SYAP1: variants seen among roughly 807,000 people sequenced by gnomAD.
SYAP1 encodes synapse associated protein 1, also known as synapse-associated protein 1.
A neutral mutation model predicts 29.6 loss-of-function variants in SYAP1; 3 were observed. The observed-to-expected ratio is 0.10, with a 90% CI of 0.05 to 0.26. The LOEUF (loss-of-function observed/expected upper bound fraction) is 0.26, where lower values mean the gene tolerates loss of function less well. SYAP1 is among the 10% of genes least tolerant of loss of function. The pLI is 1.00. For missense variants in SYAP1, 217 were observed against 264.1 expected, an observed-to-expected ratio of 0.82 and a Z score of 1.24; for synonymous variants, 102 against 102.7, an observed-to-expected ratio of 0.99 and a Z score of 0.04.
At chrX:16,733,264 CAG>C (rs762897396) in intron 1 of SYAP1, among the ~76,000 whole-genome samples, 5 of 111,118 alleles carry the variant, frequency 4.5e-5, no homozygotes, top group African/African-American at 1.6e-4. Flanking sequence ...TTGGGGTTGA[CAG>C]ATAAACACTA....
At chrX:16,748,676 A>C (rs186903234) in intron 5 of SYAP1, among the ~76,000 whole-genome samples, 1 of 112,337 alleles carries the variant, frequency 8.9e-6, no homozygotes. Context: ...TTCACAGGAT[A>C]CAATGCCTTA....
In SYAP1 at chrX:16,719,671, A is replaced by C. The variant is rs773588661; in HGVS notation, c.-54A>C. ...GCGCAGAGTGGAGTCAAAGGCAACC[A>C]GTGCTCGCTGCGGTCTCTGGGGATC... On this transcript the variant is annotated 5_prime_UTR_variant, in exon 1 of 9. Coordinates refer to ENST00000380155, the MANE Select transcript of SYAP1 (RefSeq NM_032796.4). The C allele has an allele frequency of 1.5e-5, 18 of 1,166,993 alleles. No homozygotes were observed. Among genetic ancestry groups the C allele is most frequent in the Non-Finnish European group, 2.1e-5 (18 of 873,972 alleles).
At chrX:16,745,574 A>T (rs1318394708) in intron 5 of SYAP1, among the ~76,000 whole-genome samples, 1 of 110,277 alleles carries the variant, frequency 9.1e-6, no homozygotes, top group African/African-American at 3.3e-5. Context: ...AAAAAAAAAA[A>T]ATACAAAAAA....
intron 1 of SYAP1, among the ~76,000 whole-genome samples, chrX:16,733,198 C>G (rs934838104): frequency 6.3e-5 from 7 of 111,166 alleles, no homozygotes; most frequent in Non-Finnish European, 1.3e-4. Context: ...AAGATGAGAA[C>G]TAGACCAGAG....
At chrX:16,745,727 ACT>A (rs1926585528) in intron 5 of SYAP1, among the ~76,000 whole-genome samples, 2 of 93,829 alleles carry the variant, frequency 2.1e-5, no homozygotes, top group Middle Eastern at 5.6e-3. Flanking sequence ...ACAGAGTGAG[ACT>A]CTGTCTCCAA....
In SYAP1 at chrX:16,741,698, C is replaced by G; in HGVS notation, c.362-18C>G. ...CTATTTTTTTCTCTTTTCTTCTTTG[C>G]CATTAAAAACTGTATAGAAGCAGCT... On this transcript the variant is annotated intron_variant, in intron 3 of 8. Coordinates refer to ENST00000380155, the MANE Select transcript of SYAP1 (RefSeq NM_032796.4). 8.6e-7 allele frequency: 1 copy of G among 1,157,967 alleles called. No individual in the cohort carries two copies. Among genetic ancestry groups the G allele is most frequent in the South Asian group, 1.9e-5 (1 of 51,660 alleles).
intron 5 of SYAP1, among the ~76,000 whole-genome samples, chrX:16,751,975 CTT>C (rs773120810): frequency 3.5e-5 from 2 of 56,667 alleles, no homozygotes; most frequent in African/African-American, 9.3e-5. Context: ...TGCACCCGGC[CTT>C]TTTTTTTTTT....
At chrX:16,757,371 G>A (rs1023919674) in intron 8 of SYAP1, 62 bp downstream of exon 8, 1 of 1,102,979 alleles carries the variant, frequency 9.1e-7, no homozygotes, top group African/African-American at 1.8e-5. Flanking sequence ...AAAGCTAATT[G>A]TAGAAAATTG....
At chrX:16,733,460 C>A (rs1174011858) in intron 1 of SYAP1, among the ~76,000 whole-genome samples, 1 of 110,922 alleles carries the variant, frequency 9.0e-6, no homozygotes, top group Admixed American at 9.7e-5. Context: ...TCTTATGGGA[C>A]CTTCTCCACC....
chrX:16,756,910 T>C (rs1269708805), intron 7 of SYAP1, among the ~76,000 whole-genome samples, 189 bp downstream of exon 7: 1 of 112,256 alleles, frequency 8.9e-6, no homozygotes, highest in Non-Finnish European at 1.9e-5. Context: ...ATTCTAGATG[T>C]GTTCATCAGG....
At chrX:16,740,783 G>C (rs1449158532) in intron 3 of SYAP1, among the ~76,000 whole-genome samples, 1 of 111,132 alleles carries the variant, frequency 9.0e-6, no homozygotes, top group Non-Finnish European at 1.9e-5. Context: ...ATACTTTACT[G>C]TTCATCAGTT....
chrX:16,729,784 T>A (rs1360753887), intron 1 of SYAP1, among the ~76,000 whole-genome samples: 3 of 111,325 alleles, frequency 2.7e-5, no homozygotes, highest in Non-Finnish European at 3.8e-5. Flanking sequence ...GCCCAGCCTA[T>A]GTGCTTTTAT....
At chrX:16,737,138 G>T (rs1261881243) in intron 3 of SYAP1, among the ~76,000 whole-genome samples, 1 of 111,619 alleles carries the variant, frequency 9.0e-6, no homozygotes, top group Non-Finnish European at 1.9e-5. Flanking sequence ...CAACACTTTG[G>T]CAGGCCAAGG....
chrX:16,755,882 C>T (rs141699670), intron 6 of SYAP1, among the ~76,000 whole-genome samples: 4 of 111,954 alleles, frequency 3.6e-5, no homozygotes, highest in East Asian at 2.8e-4. Context: ...CCACAAGAAG[C>T]GGGGTGATTT....
Position 16,762,802 on chromosome X carries a change from G to A in SYAP1, c.*2443G>A, listed in dbSNP as rs1445032263. The A allele has an allele frequency of 3.6e-5, 4 of 111,640 alleles. No homozygotes were observed. Among genetic ancestry groups the A allele is most frequent in the African/African-American group, 6.5e-5 (2 of 30,721 alleles). 9.2% of individuals were successfully genotyped at this position (111,640 alleles called of 1,213,427 possible). A position where few individuals can be genotyped will look rare whatever the true frequency, so the allele number is the denominator to read the frequency against. ...CAGACCAGTTGATGTTACTAAGAAC[G>A]CCCAGGGGATGAGAATGGACTTTAT... On this transcript the variant is annotated 3_prime_UTR_variant, in exon 9 of 9. Coordinates refer to ENST00000380155, the MANE Select transcript of SYAP1 (RefSeq NM_032796.4).
At chrX:16,751,701 G>A (rs1340010465) in intron 5 of SYAP1, among the ~76,000 whole-genome samples, 4 of 95,985 alleles carry the variant, frequency 4.2e-5, no homozygotes, top group Non-Finnish European at 6.1e-5. Context: ...TTTTTGATAC[G>A]GAGTTTCGCT....
chrX:16,731,661 C>T (rs1021606531), intron 1 of SYAP1, among the ~76,000 whole-genome samples: 37 of 111,836 alleles, frequency 3.3e-4, no homozygotes, highest in African/African-American at 1.2e-3. Context: ...CACAAGCAGC[C>T]GGGCACAGTG....
rs765542027 is a variant in SYAP1, at chrX:16,760,948, A to C, written c.*589A>C. On this transcript the variant is annotated 3_prime_UTR_variant, in exon 9 of 9. Coordinates refer to ENST00000380155, the MANE Select transcript of SYAP1 (RefSeq NM_032796.4). ...TACATTAAGAAATACTGTGCAGGCC[A>C]TGCGTGGTGGCTCAGGCCTGTAATC... The C allele has an allele frequency of 8.9e-6, 1 of 111,795 alleles. No homozygotes were observed. The highest frequency in any genetic ancestry group is 1.9e-5 in the Non-Finnish European group (1 of 53,181). 9.2% of individuals were successfully genotyped at this position (111,795 alleles called of 1,213,427 possible). A position where few individuals can be genotyped will look rare whatever the true frequency, so the allele number is the denominator to read the frequency against.
rs57077714 is a variant in SYAP1, at chrX:16,723,809, A to T, written c.175+3910A>T. On this transcript the variant is annotated intron_variant, in intron 1 of 8. Coordinates refer to ENST00000380155, the MANE Select transcript of SYAP1 (RefSeq NM_032796.4). ...TGACCTTTGAAGCTCTTCCTACTTT[A>T]CTTTATTCTTACCATTCCTTTCAGT... Among the ~76,000 whole-genome samples, 1,005 of 111,241 alleles carry T rather than the reference A, an allele frequency of 9.0e-3. 7 individuals carry two copies. The highest frequency in any genetic ancestry group is 0.031 in the African/African-American group (953 of 30,629).
Sources: gnomAD v4.1 joint callset for allele counts (sites outside exome capture counted in the v4.1 genomes callset) on GRCh38, gnomAD v4.1.1 for gene constraint, MANE v1.5 for transcripts, NCBI Gene and HGNC (gene_info 2026-07-23, HGNC 2026-07-21) for gene names.